MMP20: variants seen among roughly 807,000 people sequenced by gnomAD.
The protein encoded by MMP20 is matrix metallopeptidase 20.
A neutral mutation model predicts 51.8 loss-of-function variants in MMP20; 50 were observed. That is an observed-to-expected ratio of 0.97 (90% CI 0.77 to 1.22). MMP20 has a LOEUF of 1.22. Among genes scored for constraint, MMP20 ranks in the 50% most tolerant of loss-of-function variants. MMP20 has a pLI of 0.00. For missense variants in MMP20, 663 were observed against 601.4 expected (o/e 1.10, Z -1.07); for synonymous variants, 244 against 216.2 (o/e 1.13, Z -1.13).
At chr11:102,616,675 T>G in intron 2 of MMP20, 137 bp downstream of exon 2, 3 of 1,112,606 alleles carry the variant, frequency 2.7e-6, no homozygotes, top group Non-Finnish European at 3.9e-6. Context: ...GACGGATGGA[T>G]GTAAAAAGTT....
At chr11:102,584,521 CA>C (rs532157342) in intron 8 of MMP20, among the ~76,000 whole-genome samples, 4 of 152,268 alleles carry the variant, frequency 2.6e-5, no homozygotes, top group Admixed American at 2.6e-4. Flanking sequence ...ATTCTAGACA[CA>C]AGTTCTTTAT....
intron 5 of MMP20, chr11:102,608,107 C>T (rs1259978911): frequency 6.6e-6 from 1 of 152,224 alleles, no homozygotes; most frequent in African/African-American, 2.4e-5. Flanking sequence ...CCCCAGGAAG[C>T]TGTTGGGGGA....
intron 4 of MMP20, among the ~76,000 whole-genome samples, chr11:102,609,658 G>C (rs1320229860): frequency 1.3e-5 from 2 of 152,204 alleles, no homozygotes; most frequent in South Asian, 2.1e-4. Flanking sequence ...CGAGAGCAGT[G>C]CGTTGAGAAG....
intron 8 of MMP20, among the ~76,000 whole-genome samples, 180 bp from the exon 9 acceptor site, chr11:102,579,322 GT>G (rs541124730): frequency 1.4e-4 from 20 of 146,022 alleles, no homozygotes; most frequent in Admixed American, 2.7e-4. Flanking sequence ...TTGTGTTTTT[GT>G]TTTTTTTTTG....
chr11:102,589,144 C>G (rs1378505376), intron 8 of MMP20, among the ~76,000 whole-genome samples: 14 of 152,140 alleles, frequency 9.2e-5, no homozygotes, highest in Admixed American at 9.2e-4. Flanking sequence ...TGATTTTAGT[C>G]TATATTCTAG....
chr11:102,584,240 C>G (rs1290682857), intron 8 of MMP20, among the ~76,000 whole-genome samples: 1 of 152,186 alleles, frequency 6.6e-6, no homozygotes, highest in East Asian at 1.9e-4. Context: ...ATTTACATTT[C>G]TACTACCAAT....
chr11:102,609,443 T>C (rs977420822), intron 4 of MMP20, among the ~76,000 whole-genome samples: 2 of 152,202 alleles, frequency 1.3e-5, no homozygotes, highest in African/African-American at 4.8e-5. Flanking sequence ...AATGCCTTAA[T>C]AGTTCCCTGC....
chr11:102,625,243 AG>A lies in MMP20; in HGVS notation c.76del (p.Leu26Ter). ...CCAGGTCCTGGGGGAGGCTGCAACT[AG>A]GGAGGGGGCTGCAGTGGAAAACTTC... Reference protein sequence around the residue: ...ALKFSTAAPSLVAASPRTWRN... With the variant: ...ALKFSTAAPSXVAASPRTWRN... On this transcript the variant is annotated frameshift_variant, in exon 1 of 10. Transcript: ENST00000260228. LOFTEE classifies it high-confidence loss of function. 1 of 1,613,916 alleles carries A rather than the reference AG, an allele frequency of 6.2e-7. No homozygotes were observed. Among genetic ancestry groups the A allele is most frequent in the Non-Finnish European group, 8.5e-7 (1 of 1,179,914 alleles).
chr11:102,623,321 A>G (rs1859773886), intron 1 of MMP20, among the ~76,000 whole-genome samples: 1 of 152,140 alleles, frequency 6.6e-6, no homozygotes, highest in Non-Finnish European at 1.5e-5. Context: ...ACCTGGCCCC[A>G]CAGCAGGAGG....
intron 2 of MMP20, among the ~76,000 whole-genome samples, chr11:102,616,500 G>A (rs1463605395): frequency 6.6e-6 from 1 of 152,146 alleles, no homozygotes; most frequent in Non-Finnish European, 1.5e-5. Context: ...TAAGCAGGTT[G>A]TTTTAAGAAA....
At chr11:102,598,219 A>T (rs925499449) in intron 6 of MMP20, among the ~76,000 whole-genome samples, 7 of 152,276 alleles carry the variant, frequency 4.6e-5, no homozygotes, top group Non-Finnish European at 1.5e-5. Context: ...AGTAAAACTC[A>T]CAAAAACAAT....
intron 6 of MMP20, among the ~76,000 whole-genome samples, chr11:102,602,654 A>G (rs1026158857): frequency 6.6e-6 from 1 of 152,190 alleles, no homozygotes; most frequent in Non-Finnish European, 1.5e-5. Flanking sequence ...TCTGGGTCTC[A>G]TGGGAGGGTC....
chr11:102,584,201 G>A (rs1305795750), intron 8 of MMP20, among the ~76,000 whole-genome samples: 1 of 152,208 alleles, frequency 6.6e-6, no homozygotes, highest in East Asian at 1.9e-4. Flanking sequence ...TTGAGGAGCA[G>A]GAGACTGCTT....
intron 1 of MMP20, among the ~76,000 whole-genome samples, chr11:102,621,662 C>T (rs1440915966): frequency 6.6e-6 from 1 of 152,046 alleles, no homozygotes; most frequent in Non-Finnish European, 1.5e-5. Context: ...TTATAGAAGC[C>T]TTATTCATAT....
In MMP20 at chr11:102,577,333, C is replaced by T; in HGVS notation, c.1445G>A (p.Gly482Asp). Residue 482 changes from glycine (G) to aspartate (D), a missense_variant, in exon 10 of 10, where the codon GGT (glycine) becomes GAT (aspartate). Physicochemically the swap from Gly to Asp is moderately conservative, Grantham distance 94. Coordinates refer to ENST00000260228, the MANE Select transcript of MMP20 (RefSeq NM_004771.4). ...AAGACTAGGCTTTTCTATTTAGCAACCAATCCAGGAACTAGATTTCACCAC... is the reference window on the plus strand; with the variant it reads ...AAGACTAGGCTTTTCTATTTAGCAATCAATCCAGGAACTAGATTTCACCAC... ...VSVVKSSSWIGC is the reference protein window; with the variant it reads ...VSVVKSSSWIDC 1 of 1,610,686 alleles carries T rather than the reference C, an allele frequency of 6.2e-7. No homozygotes were observed. The highest frequency in any genetic ancestry group is 8.5e-7 in the Non-Finnish European group (1 of 1,176,892).
At chr11:102,622,257 C>T (rs901888402) in intron 1 of MMP20, among the ~76,000 whole-genome samples, 1 of 152,092 alleles carries the variant, frequency 6.6e-6, no homozygotes, top group Non-Finnish European at 1.5e-5. Flanking sequence ...TCTTTCTTAG[C>T]GAGTGACCTA....
In MMP20 at chr11:102,577,067, T is replaced by C; in HGVS notation, c.*259A>G. 4.6e-6 allele frequency: 2 copies of C among 437,778 alleles called. No homozygotes were observed. Among genetic ancestry groups the C allele is most frequent in the South Asian group, 4.5e-5 (2 of 44,176 alleles). The allele number at this position is 437,778 out of a possible 1,614,324, so 27.1% of individuals were successfully genotyped here. A position where few individuals can be genotyped will look rare whatever the true frequency, so the allele number is the denominator to read the frequency against. ...CAGTATATTAGGTAAGAAAAAATAA[T>C]GGTGTCTAACTGCAGAGTGCATTGT... On this transcript the variant is annotated 3_prime_UTR_variant, in exon 10 of 10. Coordinates refer to ENST00000260228, the MANE Select transcript of MMP20 (RefSeq NM_004771.4).
Position 102,606,650 on chromosome 11 carries a change from G to T in MMP20, c.838C>A (p.Pro280Thr). 6.2e-7 allele frequency: 1 copy of T among 1,613,958 alleles called. No individual in the cohort carries two copies. The highest frequency in any genetic ancestry group is 8.5e-7 in the Non-Finnish European group (1 of 1,179,890). Residue 280 changes from proline to threonine, a missense_variant, in exon 6 of 10, where the codon CCC becomes ACC. Physicochemically the swap from Pro to Thr is conservative, Grantham distance 38 (BLOSUM62 -1). Transcript: ENST00000260228. ...TGATGGGGGGCATGGGGCAGAGTGG[G>T]CTTCCCCAGGAATACTTTCCGAGGT... ...YGPRKVFLGK[P>T]TLPHAPHHKP...
chr11:102,600,504 GA>G (rs1859432878), intron 6 of MMP20, among the ~76,000 whole-genome samples: 1 of 151,996 alleles, frequency 6.6e-6, no homozygotes. Context: ...TTTATTTTAA[GA>G]TAGGGTCTCG....
Sources: allele counts gnomAD v4.1 joint callset (sites outside exome capture counted in the v4.1 genomes callset), GRCh38; gene constraint gnomAD v4.1.1; transcripts MANE v1.5; gene names NCBI Gene and HGNC (gene_info 2026-07-23, HGNC 2026-07-21).